CTNND2: variants seen among roughly 807,000 people sequenced by gnomAD.
CTNND2 encodes catenin delta-2.
A neutral mutation model predicts 144.4 loss-of-function variants in CTNND2; 22 were observed. That is an observed-to-expected ratio of 0.15 (90% confidence interval 0.11 to 0.22). The LOEUF (loss-of-function observed/expected upper bound fraction) is 0.22, where lower values mean the gene tolerates loss of function less well. Ranked by LOEUF, CTNND2 falls within the 10% of genes least tolerant of loss-of-function variation. CTNND2 has a pLI of 1.00. For missense variants in CTNND2, 1,353 were observed against 1,618.8 expected (o/e 0.84, Z 2.82); for synonymous variants, 751 against 695.6 (o/e 1.08, Z -1.25).
intron 5 of CTNND2, among the ~76,000 whole-genome samples, chr5:11,406,094 C>T (rs1187203868): frequency 6.6e-6 from 1 of 152,004 alleles, no homozygotes; most frequent in Non-Finnish European, 1.5e-5. Context: ...TTACAGTGAG[C>T]TGAGACTGCA....
intron 3 of CTNND2, among the ~76,000 whole-genome samples, chr5:11,462,465 G>A (rs1421101263): frequency 6.6e-6 from 1 of 152,064 alleles, no homozygotes; most frequent in Non-Finnish European, 1.5e-5. Context: ...TGTTGTGGCA[G>A]CAGAGAGGAG....
chr5:11,535,346 G>C (rs555231321), intron 3 of CTNND2, among the ~76,000 whole-genome samples: 9 of 152,260 alleles, frequency 5.9e-5, no homozygotes, highest in African/African-American at 2.2e-4. Flanking sequence ...GGTGTAAAAT[G>C]TGCTTCAAGA....
intron 7 of CTNND2, among the ~76,000 whole-genome samples, chr5:11,383,915 A>G (rs1758781235): frequency 6.6e-6 from 1 of 152,216 alleles, no homozygotes; most frequent in Admixed American, 6.5e-5. Context: ...GCTGACGGGC[A>G]TAACGACCAC....
chr5:11,094,118 G>C (rs1751060360), intron 15 of CTNND2, among the ~76,000 whole-genome samples: 1 of 152,116 alleles, frequency 6.6e-6, no homozygotes, highest in Non-Finnish European at 1.5e-5. Context: ...TTACTTATCA[G>C]CCTCTCGTCA....
intron 3 of CTNND2, among the ~76,000 whole-genome samples, chr5:11,550,119 CAT>C (rs948564419): frequency 5.3e-5 from 8 of 152,198 alleles, no homozygotes; most frequent in Non-Finnish European, 1.0e-4. Context: ...AACACTTCTA[CAT>C]TAATGCTTAT....
intron 13 of CTNND2, among the ~76,000 whole-genome samples, chr5:11,113,690 G>T (rs1292758137): frequency 6.6e-6 from 1 of 152,222 alleles, no homozygotes; most frequent in Non-Finnish European, 1.5e-5. Context: ...CAGCCACTGT[G>T]ATGGCACATA....
chr5:11,004,529 C>T (rs1221314620), intron 18 of CTNND2, among the ~76,000 whole-genome samples: 4 of 152,086 alleles, frequency 2.6e-5, no homozygotes, highest in Admixed American at 1.3e-4. Flanking sequence ...TTTGAGAGGC[C>T]GAGGTGGGTG....
intron 3 of CTNND2, among the ~76,000 whole-genome samples, chr5:11,443,041 A>G (rs1341324546): frequency 6.6e-6 from 1 of 150,420 alleles, no homozygotes; most frequent in Non-Finnish European, 1.5e-5. Flanking sequence ...TTTTACTACA[A>G]TGAGTACACC....
At chr5:11,720,910 C>T (rs1021608606) in intron 2 of CTNND2, among the ~76,000 whole-genome samples, 2 of 152,134 alleles carry the variant, frequency 1.3e-5, no homozygotes, top group Non-Finnish European at 2.9e-5. Flanking sequence ...CCTGGCGGTT[C>T]TTCAGAATGT....
At chr5:11,201,382 CAACAAACA>C (rs371305197) in intron 10 of CTNND2, among the ~76,000 whole-genome samples, 39 of 152,076 alleles carry the variant, frequency 2.6e-4, no homozygotes, top group Admixed American at 5.9e-4. Context: ...TCTTTAAAGA[CAACAAACA>C]AACAAACAAA....
chr5:11,229,220 A>T (rs1740709474), intron 10 of CTNND2, among the ~76,000 whole-genome samples: 1 of 152,228 alleles, frequency 6.6e-6, no homozygotes, highest in African/African-American at 2.4e-5. Flanking sequence ...TTTTGAAATA[A>T]GGCATGTTTA....
At chr5:11,451,195 T>C (rs1765285496) in intron 3 of CTNND2, among the ~76,000 whole-genome samples, 1 of 152,112 alleles carries the variant, frequency 6.6e-6, no homozygotes, top group African/African-American at 2.4e-5. Context: ...TGTTGGTGTA[T>C]GTGGTATCTG....
At chr5:11,334,370 C>T (rs184907078) in intron 9 of CTNND2, among the ~76,000 whole-genome samples, 10 of 152,274 alleles carry the variant, frequency 6.6e-5, no homozygotes, top group South Asian at 2.1e-4. Context: ...TTACATTACT[C>T]GTTCAGAAAA....
chr5:11,035,479 G>C (rs1743968192), intron 16 of CTNND2, among the ~76,000 whole-genome samples: 1 of 152,086 alleles, frequency 6.6e-6, no homozygotes, highest in Non-Finnish European at 1.5e-5. Flanking sequence ...TGATTACATT[G>C]GGCCCACTGG....
chr5:11,166,603 G>C (rs979004019), intron 11 of CTNND2, among the ~76,000 whole-genome samples: 1 of 151,866 alleles, frequency 6.6e-6, no homozygotes, highest in Non-Finnish European at 1.5e-5. Context: ...GGTGGGAGTG[G>C]GAGGGGGAGG....
intron 7 of CTNND2, among the ~76,000 whole-genome samples, chr5:11,369,897 C>T (rs1304622629): frequency 6.6e-6 from 1 of 152,130 alleles, no homozygotes; most frequent in East Asian, 1.9e-4. Flanking sequence ...AGGGAACCAG[C>T]AGCAGACACG....
rs1248437988 is a variant in CTNND2, at chr5:11,110,972, C to A, written c.2349G>T (p.Gln783His). 1 of 1,614,038 alleles carries A rather than the reference C, an allele frequency of 6.2e-7. No homozygotes were observed. The highest frequency in any genetic ancestry group is 1.3e-5 in the African/African-American group (1 of 74,934). Residue 783 changes from glutamine to histidine, a missense_variant, in exon 14 of 22, where the codon CAG (glutamine) becomes CAT (histidine). Physicochemically the swap from Gln to His is conservative, Grantham distance 24. Around this residue, in one of 4 missense-constraint regions of CTNND2, gnomAD observed 459 missense variants for 674.3 expected, o/e 0.68. Transcript: ENST00000304623. ...CGTCCAGCTCGTCCGTGCCCATGTGCTGTCCCTGAGACGTTTCTGCCGCCA... is the reference window on the plus strand; with the variant it reads ...CGTCCAGCTCGTCCGTGCCCATGTGATGTCCCTGAGACGTTTCTGCCGCCA... ...YRLAAETSQG[Q>H]HMGTDELDGL...
At chr5:11,823,528 G>A (rs371438588) in intron 1 of CTNND2, among the ~76,000 whole-genome samples, 7 of 152,094 alleles carry the variant, frequency 4.6e-5, no homozygotes, top group African/African-American at 1.2e-4. Flanking sequence ...TGATAAAAAC[G>A]TAAATATCAG....
At position 11,007,433 on chromosome 5, in the gene CTNND2, C is replaced by G. The variant is rs551189055; in HGVS notation, c.3084+10541G>C. ...TCATGGGAACTGTGAGTTCACTCAG[C>G]TTTAACCTCGGGAACTGCTGGCAGC... On this transcript the variant is annotated intron_variant, in intron 18 of 21. Transcript: ENST00000304623. 7.9e-5 allele frequency among the ~76,000 whole-genome samples: 12 copies of G among 152,374 alleles called. No homozygotes were observed. In the South Asian group the frequency reaches 2.5e-3, roughly 32 times the overall value.
Sources: gnomAD v4.1 joint callset for allele counts (sites outside exome capture counted in the v4.1 genomes callset) on GRCh38, gnomAD v4.1.1 for gene constraint, gnomAD v4.1.1 regional missense constraint, MANE v1.5 for transcripts, NCBI Gene and HGNC (gene_info 2026-07-23, HGNC 2026-07-21) for gene names.